CPNE8: variants seen among roughly 807,000 people sequenced by gnomAD.
The protein encoded by CPNE8 is copine 8, also known as copine-8.
In CPNE8, 45 loss-of-function variants were observed where a neutral mutation model predicts 81.5. The ratio of observed to expected loss-of-function variants is 0.55; its 90% CI spans 0.44 to 0.71. The LOEUF (loss-of-function observed/expected upper bound fraction) is 0.71, where lower values mean the gene tolerates loss of function less well. Among genes scored for constraint, CPNE8 ranks in the 30% least tolerant of loss-of-function variants. CPNE8 has a pLI of 0.00. For missense variants in CPNE8, 594 were observed against 672.1 expected, an observed-to-expected ratio of 0.88 and a Z score of 1.28; for synonymous variants, 252 against 226.3, an observed-to-expected ratio of 1.11 and a Z score of -1.02.
intron 5 of CPNE8, among the ~76,000 whole-genome samples, chr12:38,832,905 G>A (rs796636798): frequency 1.2e-4 from 18 of 151,542 alleles, no homozygotes; most frequent in African/African-American, 3.9e-4. Context: ...TCTTTTTAAC[G>A]GATAGATCCA....
At chr12:38,906,027 T>G (rs754121313), upstream of CPNE8, 230 of 988,376 alleles carry the variant, frequency 2.3e-4, no homozygotes, top group Non-Finnish European at 2.5e-4. Context: ...CAATCAGGTG[T>G]GGACGGGAAG....
rs1344991370 is a variant in CPNE8, at chr12:38,717,434, T to C, written c.914+6338A>G. On this transcript the variant is annotated intron_variant, in intron 13 of 19. Transcript: ENST00000331366. ...GTAAACAAAGAAAGTGTGGTGTATA[T>C]ATATATATATATATATATATATATA... Among the ~76,000 whole-genome samples, 58 of 122,976 alleles carry C rather than the reference T, an allele frequency of 4.7e-4. 3 individuals carry two copies. The highest frequency in any genetic ancestry group is 1.9e-3 in the African/African-American group (56 of 29,406). The allele number at this position is 122,976 out of a possible 152,430, so 80.7% of individuals were successfully genotyped here.
At chr12:38,811,347 G>A (rs1345255406) in intron 6 of CPNE8, among the ~76,000 whole-genome samples, 1 of 151,996 alleles carries the variant, frequency 6.6e-6, no homozygotes, top group East Asian at 1.9e-4. Flanking sequence ...AAAGCTCGTT[G>A]ACTAGATACT....
chr12:38,805,978 T>C (rs1265785985), intron 6 of CPNE8, among the ~76,000 whole-genome samples: 1 of 150,210 alleles, frequency 6.7e-6, no homozygotes, highest in Non-Finnish European at 1.5e-5. Flanking sequence ...CAAACACCTC[T>C]ACGCAAATAA....
intron 10 of CPNE8, among the ~76,000 whole-genome samples, chr12:38,748,555 C>T (rs1037650114): frequency 6.6e-6 from 1 of 151,948 alleles, no homozygotes; most frequent in Non-Finnish European, 1.5e-5. Context: ...GGCTGGAGTG[C>T]AGTGGCGTGA....
intron 13 of CPNE8, among the ~76,000 whole-genome samples, chr12:38,715,163 C>T (rs1051237168): frequency 6.6e-5 from 10 of 152,068 alleles, no homozygotes; most frequent in Admixed American, 6.5e-4. Context: ...CAATGTTTGA[C>T]TCTCAGCAAA....
At position 38,905,507 on chromosome 12, in the gene CPNE8, C is replaced by G; in HGVS notation, c.28G>C (p.Gly10Arg). The change falls in exon 1 of 20, where the codon GGC (glycine) becomes CGC (arginine). Residue 10 changes from glycine to arginine, a missense_variant. Physicochemically the swap from Gly to Arg is moderately radical, Grantham distance 125. Transcript: ENST00000331366. MDSRYNSTA[G>R]IGDLNQLSAA... ...CTCAGCTGGTTCAAGTCCCCGATGC[C>G]CGCAGTGCTGTTGTAGCGGCTGTCC... 6.4e-7 allele frequency: 1 copy of G among 1,571,904 alleles called. No individual in the cohort carries two copies. The highest frequency in any genetic ancestry group is 8.6e-7 in the Non-Finnish European group (1 of 1,158,448).
chr12:38,769,383 A>G (rs1317940777), intron 7 of CPNE8, among the ~76,000 whole-genome samples: 1 of 152,276 alleles, frequency 6.6e-6, no homozygotes, highest in South Asian at 2.1e-4. Flanking sequence ...TTCTTTTTAA[A>G]TTAGAGGTTT....
At chr12:38,789,196 G>T (rs117797257) in intron 6 of CPNE8, among the ~76,000 whole-genome samples, 1 of 151,614 alleles carries the variant, frequency 6.6e-6, no homozygotes, top group Non-Finnish European at 1.5e-5. Flanking sequence ...ACCTGACTTT[G>T]AATTATACTA....
chr12:38,734,983 A>G (rs993970019), intron 10 of CPNE8, among the ~76,000 whole-genome samples: 2 of 152,108 alleles, frequency 1.3e-5, no homozygotes, highest in African/African-American at 4.8e-5. Context: ...GCAGTGTAAC[A>G]TGTTTCAGAT....
At chr12:38,727,617 A>T (rs911605529) in intron 11 of CPNE8, among the ~76,000 whole-genome samples, 4 of 152,144 alleles carry the variant, frequency 2.6e-5, no homozygotes, top group Non-Finnish European at 4.4e-5. Flanking sequence ...GCTCAGAGGG[A>T]AATGCCCTAT....
At chr12:38,830,525 G>A (rs983555924) in intron 5 of CPNE8, among the ~76,000 whole-genome samples, 9 of 152,250 alleles carry the variant, frequency 5.9e-5, no homozygotes, top group East Asian at 1.9e-4. Context: ...GGAAAGACAC[G>A]TGCCTTCTAG....
Position 38,653,763 on chromosome 12 carries a change from A to C in CPNE8, c.*119T>G, listed in dbSNP as rs928768965. The stretch of plus-strand genomic sequence containing the variant: ...AAATTTGGATCCAAGAAAGCACATT[A>C]ACTGCTGAAACCAAACTGAGAAAAC... On this transcript the variant is annotated 3_prime_UTR_variant, in exon 20 of 20. Coordinates refer to ENST00000331366, the MANE Select transcript of CPNE8 (RefSeq NM_153634.3). 2 of 1,375,702 alleles carry C rather than the reference A, an allele frequency of 1.5e-6. No homozygotes were observed. Among genetic ancestry groups the C allele is most frequent in the South Asian group, 3.5e-5 (2 of 56,564 alleles). 85.2% of individuals were successfully genotyped at this position (1,375,702 alleles called of 1,614,324 possible).
intron 6 of CPNE8, among the ~76,000 whole-genome samples, chr12:38,829,030 A>G (rs1009714904): frequency 2.6e-5 from 4 of 152,236 alleles, no homozygotes; most frequent in African/African-American, 7.2e-5. Context: ...TATGAAATAC[A>G]TGGTATTAAC....
chr12:38,682,897 C>T (rs1462534833), intron 16 of CPNE8, among the ~76,000 whole-genome samples: 2 of 152,046 alleles, frequency 1.3e-5, no homozygotes, highest in Non-Finnish European at 2.9e-5. Flanking sequence ...ACCGTCTGCA[C>T]TTAAATTTAT....
chr12:38,843,314 C>A (rs973673188), intron 4 of CPNE8, among the ~76,000 whole-genome samples: 1 of 152,154 alleles, frequency 6.6e-6, no homozygotes, highest in Admixed American at 6.5e-5. Flanking sequence ...AATATGTGAT[C>A]ATGCTTAGCT....
At chr12:38,664,906 T>C (rs1939033059) in intron 19 of CPNE8, among the ~76,000 whole-genome samples, 1 of 152,148 alleles carries the variant, frequency 6.6e-6, no homozygotes, top group East Asian at 1.9e-4. Flanking sequence ...AGGAAGTCAC[T>C]GTTATCAAAC....
At chr12:38,702,490 A>T (rs1357818287) in intron 14 of CPNE8, among the ~76,000 whole-genome samples, 1 of 152,166 alleles carries the variant, frequency 6.6e-6, no homozygotes, top group Non-Finnish European at 1.5e-5. Flanking sequence ...CAAAAGTACT[A>T]TAAAAATGAG....
rs73273192 is a variant in CPNE8, at chr12:38,783,326, C to T, written c.408-7025G>A. Among the ~76,000 whole-genome samples, 497 of 152,296 alleles carry T rather than the reference C, an allele frequency of 3.3e-3. 2 individuals are homozygous for T. The highest frequency in any genetic ancestry group is 0.012 in the African/African-American group (486 of 41,582). On this transcript the variant is annotated intron_variant, in intron 6 of 19. Coordinates refer to ENST00000331366, the MANE Select transcript of CPNE8 (RefSeq NM_153634.3). ...ATAAGAACTGAAAATCAGATGAGCA[C>T]TCACAGTACCTGGCTTTAACTTCAT...
Sources: allele counts gnomAD v4.1 joint callset (sites outside exome capture counted in the v4.1 genomes callset), GRCh38; gene constraint gnomAD v4.1.1; transcripts MANE v1.5; gene names NCBI Gene and HGNC (gene_info 2026-07-23, HGNC 2026-07-21).